The following TNFSF8 variants were observed in gnomAD, a reference collection of about 807,000 sequenced individuals.
The protein encoded by TNFSF8 is tumor necrosis factor ligand superfamily member 8.
Under a neutral mutation model 22.0 loss-of-function variants are expected in TNFSF8, and 4 were observed. The ratio of observed to expected loss-of-function variants is 0.18; its 90% CI spans 0.09 to 0.42. TNFSF8 has a LOEUF of 0.42. Among genes scored for constraint, TNFSF8 ranks in the 10% least tolerant of loss-of-function variants. The probability of loss-of-function intolerance (pLI) is 1.00; values close to 1 mark genes in which losing one functional copy is unlikely to be tolerated. For synonymous variants in TNFSF8, 106 were observed against 112.5 expected (o/e 0.94, Z 0.37); for missense variants, 233 against 281.8 (o/e 0.83, Z 1.24).
At chr9:114,899,350 T>A (rs199555508), downstream of TNFSF8, among the ~76,000 whole-genome samples, 2 of 147,262 alleles carry the variant, frequency 1.4e-5, no homozygotes, top group Non-Finnish European at 3.0e-5. Context: ...TTATTATTTT[T>A]TTTTTTTTTT....
chr9:114,910,751 G>T (rs1315962216), intron 2 of TNFSF8, among the ~76,000 whole-genome samples: 1 of 152,158 alleles, frequency 6.6e-6, no homozygotes, highest in African/African-American at 2.4e-5. Context: ...GCTCTACCAT[G>T]GCAAAACAGA....
At chr9:114,926,284 G>T (rs1483767334) in intron 1 of TNFSF8, among the ~76,000 whole-genome samples, 2 of 152,056 alleles carry the variant, frequency 1.3e-5, no homozygotes, top group East Asian at 1.9e-4. Context: ...AAAAAAATTA[G>T]CCAGGCGTGG....
At chr9:114,896,171 A>G (rs958473044), downstream of TNFSF8, among the ~76,000 whole-genome samples, 2 of 152,358 alleles carry the variant, frequency 1.3e-5, no homozygotes, top group East Asian at 3.9e-4. Flanking sequence ...AGTGTTCTTC[A>G]GATTGTAAGG....
At chr9:114,920,150 C>T (rs1434262784) in intron 1 of TNFSF8, among the ~76,000 whole-genome samples, 1 of 152,186 alleles carries the variant, frequency 6.6e-6, no homozygotes, top group Non-Finnish European at 1.5e-5. Context: ...TGAGACAACA[C>T]ACAACATTTT....
chr9:114,917,954 G>C, intron 2 of TNFSF8, 142 bp downstream of exon 2: 2 of 710,944 alleles, frequency 2.8e-6, no homozygotes, highest in Non-Finnish European at 4.4e-6. Flanking sequence ...GCTCAGTCCT[G>C]AACAGCCCTT....
chr9:114,923,896 A>T (rs1234074904), intron 1 of TNFSF8, among the ~76,000 whole-genome samples: 3 of 152,086 alleles, frequency 2.0e-5, no homozygotes, highest in African/African-American at 7.3e-5. Flanking sequence ...AAGTGACTAA[A>T]CCTATAGTCA....
chr9:114,912,192 C>G (rs1827860312), intron 2 of TNFSF8, among the ~76,000 whole-genome samples: 1 of 152,068 alleles, frequency 6.6e-6, no homozygotes, highest in Non-Finnish European at 1.5e-5. Flanking sequence ...AAATAACTGT[C>G]ATGGAGAGTT....
At chr9:114,898,001 T>A (rs1049743710), downstream of TNFSF8, among the ~76,000 whole-genome samples, 1 of 121,240 alleles carries the variant, frequency 8.2e-6, no homozygotes, top group Non-Finnish European at 1.6e-5. Context: ...GGGATAATGA[T>A]GCCTATTTTT....
chr9:114,928,056 A>G (rs1038762784), intron 1 of TNFSF8, among the ~76,000 whole-genome samples: 3 of 152,190 alleles, frequency 2.0e-5, no homozygotes, highest in African/African-American at 7.2e-5. Flanking sequence ...CACTTTATAT[A>G]CCACGGCTAC....
intron 4 of TNFSF8, among the ~76,000 whole-genome samples, chr9:114,894,353 C>CCTG (rs3833492): frequency 0.56 from 84,847 of 151,542 alleles, 25,636 homozygotes; most frequent in African/African-American, 0.79. Flanking sequence ...TCTAATTTAG[C>CCTG]GGAATGGTTC....
At chr9:114,899,364 A>G (rs548968571), downstream of TNFSF8, among the ~76,000 whole-genome samples, 8 of 92,624 alleles carry the variant, frequency 8.6e-5, no homozygotes, top group South Asian at 2.2e-3. Flanking sequence ...TTTTTTTCTT[A>G]GTCCTCGTTG....
chr9:114,914,341 CT>C (rs1472315839), intron 2 of TNFSF8, among the ~76,000 whole-genome samples: 6 of 152,198 alleles, frequency 3.9e-5, no homozygotes, highest in African/African-American at 9.6e-5. Flanking sequence ...ACCCCAAATC[CT>C]TCTGTAGATG....
rs552478553 is a variant in TNFSF8 at position 114,902,354 on chromosome 9, C to T, written c.*1577G>A. The T allele has an allele frequency of 1.0e-6, 1 of 985,420 alleles. No individual in the cohort carries two copies. Among genetic ancestry groups the T allele is most frequent in the South Asian group, 4.7e-5 (1 of 21,288 alleles). The allele number at this position is 985,420 out of a possible 1,614,324, so 61.0% of individuals were successfully genotyped here. On this transcript the variant is annotated 3_prime_UTR_variant, in exon 4 of 4. Coordinates refer to ENST00000223795, the MANE Select transcript of TNFSF8 (RefSeq NM_001244.4). ...TATATTATGCAGGGGATGGAGCAGC[C>T]ATTCCCTGGCTAGATGACCACATCA...
chr9:114,908,293 G>A (rs1288716913), intron 2 of TNFSF8, among the ~76,000 whole-genome samples: 1 of 152,214 alleles, frequency 6.6e-6, no homozygotes, highest in African/African-American at 2.4e-5. Context: ...TACAGAGTAA[G>A]TACTTAGGAC....
chr9:114,898,953 A>G (rs1827684959), downstream of TNFSF8, among the ~76,000 whole-genome samples: 1 of 152,092 alleles, frequency 6.6e-6, no homozygotes, highest in South Asian at 2.1e-4. Context: ...AAACCACTAC[A>G]ATCAGGAAGC....
At chr9:114,924,599 G>A (rs764166717) in intron 1 of TNFSF8, among the ~76,000 whole-genome samples, 2 of 152,022 alleles carry the variant, frequency 1.3e-5, no homozygotes, top group African/African-American at 2.4e-5. Flanking sequence ...AGGTGCCAAG[G>A]TTATATTAGC....
In TNFSF8 at chr9:114,930,314, G is replaced by C; in HGVS notation, c.-11C>G. 1 of 1,511,992 alleles carries C rather than the reference G, an allele frequency of 6.6e-7. No homozygotes were observed. The highest frequency in any genetic ancestry group is 1.3e-5 in the South Asian group (1 of 78,720). 93.7% of individuals were successfully genotyped at this position (1,511,992 alleles called of 1,614,324 possible). A position where few individuals can be genotyped will look rare whatever the true frequency, so the allele number is the denominator to read the frequency against. On this transcript the variant is annotated 5_prime_UTR_variant, in exon 1 of 4. Coordinates refer to ENST00000223795, the MANE Select transcript of TNFSF8 (RefSeq NM_001244.4). The stretch of plus-strand genomic sequence containing the variant: ...CAGCCCTGGGTCCATTCTTTATATA[G>C]TCTTCCCCACATCACACCTTATCTC...
rs1176852985 is a variant in TNFSF8, at chr9:114,904,252, A to G, written c.384T>C (p.Asp128=). 2 of 1,614,158 alleles carry G rather than the reference A, an allele frequency of 1.2e-6. No individual in the cohort carries two copies. The highest frequency in any genetic ancestry group is 1.1e-5 in the South Asian group (1 of 91,084). The stretch of plus-strand genomic sequence containing the variant: ...CAGGGAATTGGATCACCAGATTCCC[A>G]TCCTGATATCTGACTCCATGGAGAA... ...DGILHGVRYQ[D]GNLVIQFPGL... is the part of the protein sequence containing the mutation. The change falls in exon 4 of 4, where the codon GAT becomes GAC. Residue 128 remains aspartate (D), a synonymous_variant. Coordinates refer to ENST00000223795, the MANE Select transcript of TNFSF8 (RefSeq NM_001244.4).
At chr9:114,925,308 A>C (rs1026827294) in intron 1 of TNFSF8, among the ~76,000 whole-genome samples, 1 of 152,190 alleles carries the variant, frequency 6.6e-6, no homozygotes, top group Non-Finnish European at 1.5e-5. Flanking sequence ...TGCTCACTTA[A>C]CAGCCTCCCC....
Sources: allele counts gnomAD v4.1 joint callset (sites outside exome capture counted in the v4.1 genomes callset), GRCh38; gene constraint gnomAD v4.1.1; transcripts MANE v1.5; gene names NCBI Gene and HGNC (gene_info 2026-07-23, HGNC 2026-07-21).